MTSS1: variants seen among roughly 807,000 people sequenced by gnomAD.
MTSS1 encodes the protein protein MTSS 1.
In MTSS1, 18 loss-of-function variants were observed where a neutral mutation model predicts 79.0. That is an observed-to-expected ratio of 0.23 (90% CI 0.16 to 0.34). MTSS1 has a LOEUF of 0.34. Among genes scored for constraint, MTSS1 ranks in the 10% least tolerant of loss-of-function variants. The probability of loss-of-function intolerance (pLI) is 1.00; values close to 1 mark genes in which losing one functional copy is unlikely to be tolerated. For synonymous variants in MTSS1, 341 were observed against 368.6 expected, an observed-to-expected ratio of 0.93 and a Z score of 0.86; for missense variants, 815 against 986.2, an observed-to-expected ratio of 0.83 and a Z score of 2.33.
intron 3 of MTSS1, among the ~76,000 whole-genome samples, chr8:124,688,441 G>A (rs755257433): frequency 3.9e-5 from 6 of 152,090 alleles, no homozygotes; most frequent in Non-Finnish European, 7.4e-5. Flanking sequence ...ATGAATTGAA[G>A]GCAATGTAAA....
intron 3 of MTSS1, among the ~76,000 whole-genome samples, chr8:124,601,559 T>C (rs529122978): frequency 1.1e-3 from 169 of 152,272 alleles, no homozygotes; most frequent in African/African-American, 3.9e-3. Flanking sequence ...TATGAGAAAA[T>C]AGTCTCTCCT....
At chr8:124,664,417 T>A (rs1199938710) in intron 3 of MTSS1, among the ~76,000 whole-genome samples, 2 of 152,242 alleles carry the variant, frequency 1.3e-5, no homozygotes, top group African/African-American at 2.4e-5. Flanking sequence ...CACCCAAGCA[T>A]TCTAGTCTGA....
intron 4 of MTSS1, among the ~76,000 whole-genome samples, chr8:124,590,402 C>A (rs1831648766): frequency 6.6e-6 from 1 of 152,154 alleles, no homozygotes; most frequent in Non-Finnish European, 1.5e-5. Flanking sequence ...AAAAGACCCA[C>A]AAGATTCTGC....
chr8:124,664,461 A>C (rs764108296), intron 3 of MTSS1, among the ~76,000 whole-genome samples: 14 of 151,590 alleles, frequency 9.2e-5, no homozygotes, highest in Admixed American at 5.9e-4. Flanking sequence ...ATGTCTCTTT[A>C]ATCGTTGGGA....
At chr8:124,595,456 G>A (rs1349343382) in intron 3 of MTSS1, among the ~76,000 whole-genome samples, 2 of 152,128 alleles carry the variant, frequency 1.3e-5, no homozygotes, top group Non-Finnish European at 2.9e-5. Context: ...ACTTCTAGAG[G>A]CTGCCTGCAC....
At chr8:124,645,233 G>A (rs1245830852) in intron 3 of MTSS1, among the ~76,000 whole-genome samples, 2 of 151,978 alleles carry the variant, frequency 1.3e-5, no homozygotes, top group Admixed American at 6.6e-5. Context: ...ACGAAAAAAC[G>A]AAAAACAATT....
chr8:124,678,165 A>G (rs1161352177), intron 3 of MTSS1, among the ~76,000 whole-genome samples: 4 of 152,140 alleles, frequency 2.6e-5, no homozygotes, highest in African/African-American at 4.8e-5. Context: ...CATTTTAGAG[A>G]TGAGTTTGGC....
chr8:124,670,354 G>A (rs1377236440), intron 3 of MTSS1, among the ~76,000 whole-genome samples: 2 of 144,426 alleles, frequency 1.4e-5, no homozygotes, highest in Non-Finnish European at 3.1e-5. Flanking sequence ...TGGTGGCAAA[G>A]GAGATTACAC....
In MTSS1 at chr8:124,727,873, C is replaced by T. The variant is rs1218416946; in HGVS notation, c.72+11G>A. On this transcript the variant is annotated intron_variant, in intron 1 of 13. Transcript: ENST00000518547. The surrounding 1 kb of genome is among the most constrained non-coding windows in gnomAD (Gnocchi z 4.7). ...GCGGCCGGCGCCGCAGCCGCACCCC[C>T]GGCGTCCTACCTTCATGTCGCTGAT... 1 of 1,584,044 alleles carries T rather than the reference C, an allele frequency of 6.3e-7. No individual in the cohort carries two copies. The highest frequency in any genetic ancestry group is 1.4e-5 in the African/African-American group (1 of 71,846).
intron 6 of MTSS1, among the ~76,000 whole-genome samples, chr8:124,573,649 T>A (rs1828334996): frequency 6.6e-6 from 1 of 152,258 alleles, no homozygotes; most frequent in Non-Finnish European, 1.5e-5. Context: ...TTAAATGGCC[T>A]AATACTTCAG....
intron 3 of MTSS1, among the ~76,000 whole-genome samples, chr8:124,591,476 C>G (rs1831868964): frequency 6.6e-6 from 1 of 152,242 alleles, no homozygotes; most frequent in Admixed American, 6.5e-5. Flanking sequence ...CTACTATATA[C>G]CACACTCTGT....
chr8:124,717,122 C>T (rs1010759553), intron 1 of MTSS1, among the ~76,000 whole-genome samples: 6 of 152,122 alleles, frequency 3.9e-5, no homozygotes, highest in Non-Finnish European at 8.8e-5. Flanking sequence ...CACCCCCTGC[C>T]CACATCTTCA....
chr8:124,667,153 G>A (rs993705867), intron 3 of MTSS1, among the ~76,000 whole-genome samples: 2 of 152,166 alleles, frequency 1.3e-5, no homozygotes, highest in African/African-American at 4.8e-5. Context: ...GTGAGTTTGA[G>A]GAGAAGGCAT....
intron 3 of MTSS1, among the ~76,000 whole-genome samples, chr8:124,639,181 A>G (rs1446834391): frequency 6.6e-6 from 1 of 152,086 alleles, no homozygotes; most frequent in African/African-American, 2.4e-5. Flanking sequence ...TACTAAAAAT[A>G]CAAAAATTAG....
chr8:124,675,986 A>G (rs1302645203), intron 3 of MTSS1, among the ~76,000 whole-genome samples: 1 of 152,174 alleles, frequency 6.6e-6, no homozygotes, highest in African/African-American at 2.4e-5. Context: ...GCACTTTCAC[A>G]TTTCATTCTA....
rs1833905816 is a variant in MTSS1, at chr8:124,601,990, TCTTAGGCCTGG to T, written c.209-10766_209-10756del. Reference sequence around the variant, plus strand: ...CTAATAAGAGAAGAGGAAGCTCAATTCTTAGGCCTGGAAAAGTTCAATCATGATGCCCTAGC... The same window carrying T: ...CTAATAAGAGAAGAGGAAGCTCAATTAAAAGTTCAATCATGATGCCCTAGC... On this transcript the variant is annotated intron_variant, in intron 3 of 13. Coordinates refer to ENST00000518547, the MANE Select transcript of MTSS1 (RefSeq NM_014751.6). 2.0e-5 allele frequency among the ~76,000 whole-genome samples: 3 copies of T among 151,808 alleles called. 1 individual carries two copies. Among genetic ancestry groups the T allele is most frequent in the Admixed American group, 2.0e-4 (3 of 15,248 alleles).
chr8:124,629,923 G>A (rs1815580054), intron 3 of MTSS1, among the ~76,000 whole-genome samples: 1 of 152,158 alleles, frequency 6.6e-6, no homozygotes, highest in African/African-American at 2.4e-5. Context: ...TGGAGCTACT[G>A]CCCAGTGGCT....
At chr8:124,709,201 C>G (rs1397760614) in intron 1 of MTSS1, among the ~76,000 whole-genome samples, 1 of 152,098 alleles carries the variant, frequency 6.6e-6, no homozygotes, top group Non-Finnish European at 1.5e-5. Flanking sequence ...AAAAGAAACC[C>G]GCAACCCAAG....
At chr8:124,622,485 GAA>G (rs74650146) in intron 3 of MTSS1, among the ~76,000 whole-genome samples, 30,021 of 99,158 alleles carry the variant, frequency 0.3, 4,287 homozygotes, top group African/African-American at 0.48. Context: ...TTGCCATATT[GAA>G]AAAAAAAAAA....
Sources: allele counts gnomAD v4.1 joint callset (sites outside exome capture counted in the v4.1 genomes callset), GRCh38; gene constraint gnomAD v4.1.1; non-coding constraint Gnocchi (gnomAD v3.1); transcripts MANE v1.5; gene names NCBI Gene and HGNC (gene_info 2026-07-23, HGNC 2026-07-21).